SLC35B3: variants seen among roughly 807,000 people sequenced by gnomAD.
The protein encoded by SLC35B3 is adenosine 3'-phospho 5'-phosphosulfate transporter 2.
SLC35B3 carries 35 observed loss-of-function variants against 44.1 expected under a neutral mutation model. The ratio of observed to expected loss-of-function variants is 0.79; its 90% confidence interval spans 0.61 to 1.05. The LOEUF is 1.05. SLC35B3 is among the 50% of genes least tolerant of loss of function. SLC35B3 has a pLI of 0.00. For missense variants in SLC35B3, 414 were observed against 476.4 expected, an observed-to-expected ratio of 0.87 and a Z score of 1.22; for synonymous variants, 146 against 167.3, an observed-to-expected ratio of 0.87 and a Z score of 0.98.
In SLC35B3 at chr6:8,435,418, C is replaced by T; in HGVS notation, c.-119G>A. 7.8e-7 allele frequency: 1 copy of T among 1,285,344 alleles called. No individual in the cohort carries two copies. Among genetic ancestry groups the T allele is most frequent in the African/African-American group, 1.5e-5 (1 of 65,884 alleles). The allele number at this position is 1,285,344 out of a possible 1,614,324, so 79.6% of individuals were successfully genotyped here. A position where few individuals can be genotyped will look rare whatever the true frequency, so the allele number is the denominator to read the frequency against. ...TGAGCTAGACGGAGCATCTCCCCCT[C>T]CCCTGGTCCGTCGCCATCACCTCCT... On this transcript the variant is annotated 5_prime_UTR_variant, in exon 1 of 11. Coordinates refer to ENST00000644923, the MANE Select transcript of SLC35B3 (RefSeq NM_001370476.2). The surrounding 1 kb of genome is among the most constrained non-coding windows in gnomAD (Gnocchi z 5.5).
At position 8,420,370 on chromosome 6, in the gene SLC35B3, A is replaced by G. The variant is rs976832075; in HGVS notation, c.682+351T>C. Among the ~76,000 whole-genome samples the G allele has an allele frequency of 1.3e-5, 2 of 152,194 alleles. No individual in the cohort carries two copies. Among genetic ancestry groups the G allele is most frequent in the Non-Finnish European group, 2.9e-5 (2 of 68,026 alleles). ...TATTGCTTGTCAATCAAGTTGTGTC[A>G]GTTAACTCAGTTTTCACAAAAACAA... On this transcript the variant is annotated intron_variant, in intron 6 of 10. Coordinates refer to ENST00000644923, the MANE Select transcript of SLC35B3 (RefSeq NM_001370476.2). The surrounding 1 kb of genome is among the most constrained non-coding windows in gnomAD (Gnocchi z 4.4).
At chr6:8,426,049 G>T (rs1337808807) in intron 4 of SLC35B3, among the ~76,000 whole-genome samples, 1 of 152,136 alleles carries the variant, frequency 6.6e-6, no homozygotes, top group Admixed American at 6.5e-5. Flanking sequence ...GCTTAAGAAC[G>T]CAACCTCAGC....
At position 8,427,918 on chromosome 6, in the gene SLC35B3, A is replaced by G; in HGVS notation, c.419+19T>C. On this transcript the variant is annotated intron_variant, in intron 4 of 10. Coordinates refer to ENST00000644923, the MANE Select transcript of SLC35B3 (RefSeq NM_001370476.2). ...TCAACTAATATAGAAATATCAAAAAATAAAAACAAACCACATACCTCCTCC... is the reference window on the plus strand; with the variant it reads ...TCAACTAATATAGAAATATCAAAAAGTAAAAACAAACCACATACCTCCTCC... The G allele has an allele frequency of 1.3e-6, 2 of 1,595,988 alleles. No individual in the cohort carries two copies.
Position 8,434,330 on chromosome 6 carries a change from A to T in SLC35B3, c.3+55T>A, listed in dbSNP as rs1238841685. Reference sequence around the variant, plus strand: ...ATTACGGTGTCATTAACCTGAAAAAACGTGATTTTAACTATACTTTGCCAC... The same window carrying T: ...ATTACGGTGTCATTAACCTGAAAAATCGTGATTTTAACTATACTTTGCCAC... On this transcript the variant is annotated intron_variant, in intron 2 of 10. Transcript: ENST00000644923. This position sits in a 1 kb window ranked among gnomAD's most constrained non-coding sequence, Gnocchi z 6.3. 3 of 1,547,690 alleles carry T rather than the reference A, an allele frequency of 1.9e-6. No individual in the cohort carries two copies. In the African/African-American group the frequency reaches 4.1e-5, roughly 21 times the overall value.
Position 8,413,638 on chromosome 6 carries a change from T to C in SLC35B3, c.1117A>G (p.Met373Val). 1 of 1,595,460 alleles carries C rather than the reference T, an allele frequency of 6.3e-7. No homozygotes were observed. Among genetic ancestry groups the C allele is most frequent in the South Asian group, 1.1e-5 (1 of 89,766 alleles). ...AGTGATGGTAGTCTTATTTTATCCA[T>C]ATTTTTGCTGTAAACATTAAGAAAT... Residue 373 changes from methionine (M) to valine (V), a missense_variant, in exon 11 of 11, where the codon ATG becomes GTG. By Grantham distance (21) the Met-to-Val change is conservative. Coordinates refer to ENST00000644923, the MANE Select transcript of SLC35B3 (RefSeq NM_001370476.2).
chr6:8,427,453 A>C (rs1763524413), intron 4 of SLC35B3, among the ~76,000 whole-genome samples: 1 of 152,250 alleles, frequency 6.6e-6, no homozygotes, highest in Non-Finnish European at 1.5e-5. Context: ...TTTTGTGCAC[A>C]AAACAAAATT....
rs969734139 is a variant in SLC35B3, at chr6:8,434,517, T to A, written c.-43-87A>T. The A allele has an allele frequency of 3.5e-6, 4 of 1,136,904 alleles. No individual in the cohort carries two copies. The highest frequency in any genetic ancestry group is 4.9e-6 in the Non-Finnish European group (4 of 810,812). 70.4% of individuals were successfully genotyped at this position (1,136,904 alleles called of 1,614,324 possible). ...TCATTACACAAAGGTGGAGAAACCC[T>A]GTGCTAATGTTTGAAGACTATTCTT... is the stretch of plus-strand genomic sequence containing the variant. On this transcript the variant is annotated intron_variant, in intron 1 of 10. Coordinates refer to ENST00000644923, the MANE Select transcript of SLC35B3 (RefSeq NM_001370476.2). This position sits in a 1 kb window ranked among gnomAD's most constrained non-coding sequence, Gnocchi z 6.3.
chr6:8,433,329 T>C lies in SLC35B3; in HGVS notation c.3+1056A>G, dbSNP rs1024667756. Among the ~76,000 whole-genome samples the C allele has an allele frequency of 1.3e-4, 20 of 152,186 alleles. No individual in the cohort carries two copies. Among genetic ancestry groups the C allele is most frequent in the Admixed American group, 7.2e-4 (11 of 15,276 alleles). ...CCTGGACTCAATCATATTATACATA[T>C]TTTTCAAATTCCTAAATGATAATGG... On this transcript the variant is annotated intron_variant, in intron 2 of 10. Transcript: ENST00000644923. This position sits in a 1 kb window ranked among gnomAD's most constrained non-coding sequence, Gnocchi z 4.1.
intron 4 of SLC35B3, among the ~76,000 whole-genome samples, chr6:8,427,074 CA>C (rs34542288): frequency 0.13 from 19,295 of 152,112 alleles, 1,487 homozygotes; most frequent in East Asian, 0.29. Context: ...GCAAAGCCTT[CA>C]AAAGGTAATT....
At position 8,433,860 on chromosome 6, in the gene SLC35B3, C is replaced by T. The variant is rs1315731943; in HGVS notation, c.3+525G>A. ...ATCATTGGGGAATGTCTGCCATATC[C>T]CTTCCACTTCAAACATTAATGACTG... is the stretch of plus-strand genomic sequence containing the variant. On this transcript the variant is annotated intron_variant, in intron 2 of 10. Coordinates refer to ENST00000644923, the MANE Select transcript of SLC35B3 (RefSeq NM_001370476.2). This position sits in a 1 kb window ranked among gnomAD's most constrained non-coding sequence, Gnocchi z 4.1. Among the ~76,000 whole-genome samples, 2 of 151,184 alleles carry T rather than the reference C, an allele frequency of 1.3e-5. No homozygotes were observed. The highest frequency in any genetic ancestry group is 2.9e-5 in the Non-Finnish European group (2 of 67,868).
rs560455515 is a variant in SLC35B3, at chr6:8,417,381, T to A, written c.873+21A>T. 1.9e-4 allele frequency: 275 copies of A among 1,454,750 alleles called. 1 individual carries two copies. In the African/African-American group the frequency reaches 3.6e-3, roughly 19 times the overall value. 90.1% of individuals were successfully genotyped at this position (1,454,750 alleles called of 1,614,324 possible). A position where few individuals can be genotyped will look rare whatever the true frequency, so the allele number is the denominator to read the frequency against. Reference sequence around the variant, plus strand: ...ATTATTTAACAGAAGATTTTTTTTTTTAAATGTGATTAGTGTTTACCTTTG... The same window carrying A: ...ATTATTTAACAGAAGATTTTTTTTTATAAATGTGATTAGTGTTTACCTTTG... On this transcript the variant is annotated intron_variant, in intron 8 of 10. Coordinates refer to ENST00000644923, the MANE Select transcript of SLC35B3 (RefSeq NM_001370476.2).
In SLC35B3 at chr6:8,412,148, A is replaced by C. The variant is rs559522164; in HGVS notation, c.*1401T>G. ...TTCATCATATAAGGACATAATGAGA[A>C]GGCTCCTTCTGTGAACCAGAAAGCA... On this transcript the variant is annotated 3_prime_UTR_variant, in exon 11 of 11. Transcript: ENST00000644923. 6.6e-6 allele frequency among the ~76,000 whole-genome samples: 1 copy of C among 152,262 alleles called. No individual in the cohort carries two copies. Among genetic ancestry groups the C allele is most frequent in the Non-Finnish European group, 1.5e-5 (1 of 68,014 alleles).
intron 4 of SLC35B3, among the ~76,000 whole-genome samples, chr6:8,427,374 G>A (rs1268288585): frequency 6.6e-6 from 1 of 152,210 alleles, no homozygotes; most frequent in Non-Finnish European, 1.5e-5. Flanking sequence ...TATGCTGTGT[G>A]CAGCTTAAGA....
At chr6:8,428,130 A>G (rs1373341457) in intron 3 of SLC35B3, 72 bp from the exon 3 acceptor site, 3 of 1,334,786 alleles carry the variant, frequency 2.2e-6, no homozygotes, top group Non-Finnish European at 2.9e-6. Context: ...ATTCTTAGAA[A>G]CACAACATTT....
chr6:8,429,704 G>T, intron 3 of SLC35B3, 160 bp downstream of exon 2: 1 of 301,472 alleles, frequency 3.3e-6, no homozygotes, highest in Non-Finnish European at 5.4e-6. Flanking sequence ...CTTGAATTTT[G>T]ATCTGTTAAG....
intron 3 of SLC35B3, 132 bp from the exon 3 acceptor site, chr6:8,428,190 A>C: frequency 1.2e-6 from 1 of 801,052 alleles, no homozygotes. Context: ...TAAATTAGAG[A>C]GGTTAGAAGC....
chr6:8,432,669 G>A lies in SLC35B3; in HGVS notation c.3+1716C>T, dbSNP rs1490751394. Among the ~76,000 whole-genome samples, 1 of 152,168 alleles carries A rather than the reference G, an allele frequency of 6.6e-6. No individual in the cohort carries two copies. The highest frequency in any genetic ancestry group is 2.4e-5 in the African/African-American group (1 of 41,438). ...CAAAAGTGGGAGGAGTTAAAAATGT[G>A]CCTATCACAGGATTTTGGTTAGGAC... On this transcript the variant is annotated intron_variant, in intron 2 of 10. Coordinates refer to ENST00000644923, the MANE Select transcript of SLC35B3 (RefSeq NM_001370476.2). The surrounding 1 kb of genome is among the most constrained non-coding windows in gnomAD (Gnocchi z 4.8).
In SLC35B3 at chr6:8,435,087, C is replaced by T. The variant is rs1764355717; in HGVS notation, c.-44+256G>A. ...TTGAGGTCACCTCACCCCTGCGAGTCCACGGATTGGGACCTGAGGGAGTTC... is the reference window on the plus strand; with the variant it reads ...TTGAGGTCACCTCACCCCTGCGAGTTCACGGATTGGGACCTGAGGGAGTTC... On this transcript the variant is annotated intron_variant, in intron 1 of 10. Transcript: ENST00000644923. The surrounding 1 kb of genome is among the most constrained non-coding windows in gnomAD (Gnocchi z 5.5). The T allele has an allele frequency of 8.2e-7, 1 of 1,223,638 alleles. No homozygotes were observed. The highest frequency in any genetic ancestry group is 1.0e-6 in the Non-Finnish European group (1 of 959,694). The allele number at this position is 1,223,638 out of a possible 1,614,324, so 75.8% of individuals were successfully genotyped here. A position where few individuals can be genotyped will look rare whatever the true frequency, so the allele number is the denominator to read the frequency against.
chr6:8,428,682 G>A (rs2113494523), intron 3 of SLC35B3, among the ~76,000 whole-genome samples: 1 of 152,212 alleles, frequency 6.6e-6, no homozygotes, highest in Non-Finnish European at 1.5e-5. Context: ...GACACTTACA[G>A]GGTGAATTTC....
Sources: gnomAD v4.1 joint callset for allele counts (sites outside exome capture counted in the v4.1 genomes callset) on GRCh38, gnomAD v4.1.1 for gene constraint, Gnocchi (gnomAD v3.1) non-coding constraint, MANE v1.5 for transcripts, NCBI Gene and HGNC (gene_info 2026-07-23, HGNC 2026-07-21) for gene names.